ATG16L1: variants seen among roughly 807,000 people sequenced by gnomAD.
ATG16L1 encodes the protein autophagy-related protein 16-1.
ATG16L1 carries 37 observed loss-of-function variants against 88.5 expected under a neutral mutation model. That is an observed-to-expected ratio of 0.42 (90% confidence interval 0.32 to 0.55). ATG16L1 has a LOEUF of 0.55. Ranked by LOEUF, ATG16L1 falls within the 20% of genes least tolerant of loss-of-function variation. ATG16L1 has a pLI of 0.13. For missense variants in ATG16L1, 554 were observed against 752.8 expected, an observed-to-expected ratio of 0.74 and a Z score of 3.09; for synonymous variants, 301 against 281.0, an observed-to-expected ratio of 1.07 and a Z score of -0.71.
At chr2:233,253,084 T>G (rs1277137445) in intron 1 of ATG16L1, among the ~76,000 whole-genome samples, 1 of 152,070 alleles carries the variant, frequency 6.6e-6, no homozygotes, top group Non-Finnish European at 1.5e-5. Context: ...AGTGTGTGTG[T>G]GTTTGTGTTT....
chr2:233,291,451 T>A (rs1699453621), intron 14 of ATG16L1, among the ~76,000 whole-genome samples: 1 of 152,170 alleles, frequency 6.6e-6, no homozygotes, highest in African/African-American at 2.4e-5. Context: ...AACAATAAGA[T>A]AAATTCTTGC....
chr2:233,283,641 T>G (rs1466628074), intron 12 of ATG16L1, among the ~76,000 whole-genome samples: 1 of 151,662 alleles, frequency 6.6e-6, no homozygotes, highest in Non-Finnish European at 1.5e-5. Context: ...ACCTCCGCCT[T>G]CTGGGTTCAA....
chr2:233,291,991 G>A, intron 14 of ATG16L1, 137 bp from the exon 15 acceptor site: 2 of 976,348 alleles, frequency 2.0e-6, no homozygotes, highest in Non-Finnish European at 3.0e-6. Context: ...CAGGTTATTA[G>A]AAGACTGGGA....
intron 1 of ATG16L1, among the ~76,000 whole-genome samples, chr2:233,254,905 A>G (rs756663351): frequency 6.6e-5 from 10 of 152,124 alleles, no homozygotes; most frequent in Non-Finnish European, 1.2e-4. Context: ...CAGAACAGGT[A>G]CCCACATCTG....
chr2:233,258,497 A>G (rs1696972248), intron 2 of ATG16L1, among the ~76,000 whole-genome samples: 1 of 152,212 alleles, frequency 6.6e-6, no homozygotes, highest in African/African-American at 2.4e-5. Context: ...CTTCTGTAGT[A>G]CTTAAGATAT....
rs1698449326 is a variant in ATG16L1, at chr2:233,277,475, GT to G, written c.955-90del. 3.4e-6 allele frequency: 4 copies of G among 1,163,908 alleles called. No homozygotes were observed. In the South Asian group the frequency reaches 3.8e-5, roughly 11 times the overall value. The allele number at this position is 1,163,908 out of a possible 1,614,324, so 72.1% of individuals were successfully genotyped here. The stretch of plus-strand genomic sequence containing the variant: ...GCTCCACCTGTCTTTAAGGATGAGT[GT>G]TTCCCCATGAATTAGGCATTTGGAG... On this transcript the variant is annotated intron_variant, in intron 9 of 17. Transcript: ENST00000392017.
rs1358262090 is a variant in ATG16L1 at position 233,262,584 on chromosome 2, C to G, written c.210-546C>G. 4.6e-5 allele frequency among the ~76,000 whole-genome samples: 7 copies of G among 152,232 alleles called. No homozygotes were observed. The East Asian group carries it at 1.3e-3, about 29-fold the overall frequency. Reference sequence around the variant, plus strand: ...GCTGCTGCTCCTTCTGCCCAGAGGGCCCTTCCCTCAAGGGTCCACATGGCT... The same window carrying G: ...GCTGCTGCTCCTTCTGCCCAGAGGGGCCTTCCCTCAAGGGTCCACATGGCT... On this transcript the variant is annotated intron_variant, in intron 2 of 17. Transcript: ENST00000392017.
Position 233,269,399 on chromosome 2 carries a change from C to G in ATG16L1, c.642-603C>G, listed in dbSNP as rs139247869. Among the ~76,000 whole-genome samples, 700 of 152,270 alleles carry G rather than the reference C, an allele frequency of 4.6e-3. 4 individuals are homozygous for G. Among genetic ancestry groups the G allele is most frequent in the Middle Eastern group, 0.02 (6 of 294 alleles). On this transcript the variant is annotated intron_variant, in intron 5 of 17. Transcript: ENST00000392017. ...CAGGTTGAGCATCCCATATCCCAAACTCCACAATGCTCCAGAATCTGAAAC... is the reference window on the plus strand; with the variant it reads ...CAGGTTGAGCATCCCATATCCCAAAGTCCACAATGCTCCAGAATCTGAAAC...
At chr2:233,258,013 AAAAATATC>A (rs1175886628) in intron 2 of ATG16L1, among the ~76,000 whole-genome samples, 1 of 107,538 alleles carries the variant, frequency 9.3e-6, no homozygotes, top group African/African-American at 3.4e-5. Context: ...AAAAAAAAAA[AAAAATATC>A]TATATATCTA....
chr2:233,279,188 G>A (rs1698566885), intron 10 of ATG16L1, among the ~76,000 whole-genome samples: 1 of 152,058 alleles, frequency 6.6e-6, no homozygotes, highest in Admixed American at 6.5e-5. Flanking sequence ...TTTTAAAAAA[G>A]GAAATTTTAG....
intron 2 of ATG16L1, among the ~76,000 whole-genome samples, chr2:233,258,721 G>A (rs1395655872): frequency 6.6e-6 from 1 of 152,144 alleles, no homozygotes; most frequent in African/African-American, 2.4e-5. Context: ...TTTTGAGGCA[G>A]GGTCTCTCTC....
intron 2 of ATG16L1, among the ~76,000 whole-genome samples, chr2:233,256,922 G>A (rs1044977417): frequency 2.6e-5 from 4 of 151,866 alleles, no homozygotes; most frequent in African/African-American, 9.7e-5. Context: ...GGCTGGTCTC[G>A]AACTCTTGAC....
intron 12 of ATG16L1, among the ~76,000 whole-genome samples, chr2:233,289,377 ATGTGTGTG>A (rs56993445): frequency 7.7e-5 from 10 of 129,060 alleles, no homozygotes; most frequent in African/African-American, 1.8e-4. Flanking sequence ...CCTGTTTGGG[ATGTGTGTG>A]TGTGTGTGTG....
chr2:233,284,671 T>C (rs754334084), intron 12 of ATG16L1, among the ~76,000 whole-genome samples: 5 of 152,120 alleles, frequency 3.3e-5, no homozygotes, highest in Admixed American at 6.5e-5. Flanking sequence ...GGTTTCCCCA[T>C]GTTGGCTAGG....
At position 233,256,132 on chromosome 2, in the gene ATG16L1, A is replaced by C; in HGVS notation, c.146A>C (p.His49Pro). 2 of 1,614,096 alleles carry C rather than the reference A, an allele frequency of 1.2e-6. No individual in the cohort carries two copies. Among genetic ancestry groups the C allele is most frequent in the Non-Finnish European group, 1.7e-6 (2 of 1,179,996 alleles). Residue 49 changes from histidine to proline, a missense_variant, in exon 2 of 18, where the codon CAT becomes CCT. Physicochemically the swap from His to Pro is moderately conservative, Grantham distance 77. Transcript: ENST00000392017. ...AAATTGCTGGAAAAGTCAGATCTTC[A>C]TTCAGTGTTGGCCCAGAAACTACAG... Reference protein sequence around the residue: ...YNKLLEKSDLHSVLAQKLQAE... With the variant: ...YNKLLEKSDLPSVLAQKLQAE...
In ATG16L1 at chr2:233,277,549, C is replaced by G; in HGVS notation, c.955-19C>G. The G allele has an allele frequency of 6.2e-7, 1 of 1,610,586 alleles. No individual in the cohort carries two copies. Among genetic ancestry groups the G allele is most frequent in the Non-Finnish European group, 8.5e-7 (1 of 1,176,938 alleles). ...GGGATGAGAATGACTGGGTTTGACACAGGGTGCTTGTCTTGCAGGATGCAC... is the reference window on the plus strand; with the variant it reads ...GGGATGAGAATGACTGGGTTTGACAGAGGGTGCTTGTCTTGCAGGATGCAC... On this transcript the variant is annotated intron_variant, in intron 9 of 17. Transcript: ENST00000392017.
chr2:233,268,183 C>A (rs544229825), intron 5 of ATG16L1, among the ~76,000 whole-genome samples: 9 of 152,278 alleles, frequency 5.9e-5, no homozygotes, highest in Admixed American at 5.2e-4. Flanking sequence ...GGGCTGGGCA[C>A]GGTGGCTGCT....
Position 233,265,110 on chromosome 2 carries a change from A to G in ATG16L1, c.608A>G (p.Asn203Ser), listed in dbSNP as rs773069973. The change falls in exon 5 of 18, where the codon AAT becomes AGT. Residue 203 changes from asparagine (N) to serine (S), a missense_variant. Transcript: ENST00000392017. Reference sequence around the variant, plus strand: ...ATGGCTGAGAAAGCCCAGGAAGCCAATCGGCTTAATGCAGAGAATGAAAAA... The same window carrying G: ...ATGGCTGAGAAAGCCCAGGAAGCCAGTCGGCTTAATGCAGAGAATGAAAAA... ...RWMAEKAQEA[N>S]RLNAENEKDS... 3.1e-6 allele frequency: 5 copies of G among 1,614,120 alleles called. No homozygotes were observed. Among genetic ancestry groups the G allele is most frequent in the African/African-American group, 1.3e-5 (1 of 74,938 alleles).
intron 5 of ATG16L1, among the ~76,000 whole-genome samples, chr2:233,267,380 T>C (rs1697677108): frequency 6.6e-6 from 1 of 152,166 alleles, no homozygotes; most frequent in African/African-American, 2.4e-5. Context: ...CTTAGTGCTG[T>C]GGAAAATGCC....
Sources: gnomAD v4.1 joint callset for allele counts (sites outside exome capture counted in the v4.1 genomes callset) on GRCh38, gnomAD v4.1.1 for gene constraint, MANE v1.5 for transcripts, NCBI Gene and HGNC (gene_info 2026-07-23, HGNC 2026-07-21) for gene names.